Variants in ANKAR observed in about 807,000 individuals in gnomAD.
ANKAR encodes ankyrin and armadillo repeat containing, also known as ankyrin and armadillo repeat-containing protein.
ANKAR carries 136 observed loss-of-function variants against 146.2 expected under a neutral mutation model. The ratio of observed to expected loss-of-function variants is 0.93; its 90% CI spans 0.81 to 1.07. ANKAR has a LOEUF of 1.07. Among genes scored for constraint, ANKAR ranks in the 50% least tolerant of loss-of-function variants. The pLI, the probability that ANKAR is intolerant of heterozygous loss-of-function variation, is 0.00. For missense variants in ANKAR, 1,567 were observed against 1,679.9 expected (o/e 0.93, Z 1.18); for synonymous variants, 500 against 575.8 (o/e 0.87, Z 1.88).
intron 10 of ANKAR, among the ~76,000 whole-genome samples, chr2:189,714,947 C>CAAAA (rs71401215): frequency 9.0e-5 from 8 of 88,550 alleles, no homozygotes; most frequent in South Asian, 7.6e-4. Flanking sequence ...CTCCATCTCA[C>CAAAA]AAAAAAAAAA....
intron 18 of ANKAR, chr2:189,755,285 A>C (rs1245833987): frequency 1.2e-6 from 2 of 1,613,410 alleles, no homozygotes; most frequent in Admixed American, 3.3e-5. Context: ...CAAAAGAACT[A>C]AAAAAGGAAA....
At chr2:189,700,394 T>C (rs1574468042) in intron 7 of ANKAR, among the ~76,000 whole-genome samples, 1 of 152,184 alleles carries the variant, frequency 6.6e-6, no homozygotes, top group East Asian at 1.9e-4. Flanking sequence ...TTGTTTTCTT[T>C]TTAAAATAAT....
chr2:189,706,811 T>C, intron 8 of ANKAR, 127 bp from the exon 9 acceptor site: 1 of 646,772 alleles, frequency 1.5e-6, no homozygotes, highest in East Asian at 2.9e-5. Context: ...ATACGGAAGA[T>C]GAGAATTCCT....
rs775271092 is a variant in ANKAR at position 189,728,233 on chromosome 2, G to A, written c.2878-34G>A. 6.4e-6 allele frequency: 10 copies of A among 1,556,776 alleles called. No individual in the cohort carries two copies. In the South Asian group the frequency reaches 1.1e-4, roughly 17 times the overall value. On this transcript the variant is annotated intron_variant, in intron 13 of 22. Transcript: ENST00000684021. ...TGCATTCCTAAAATGTTCAATAAATGTTCACTGAATTAATGAAATATTTTT... is the reference window on the plus strand; with the variant it reads ...TGCATTCCTAAAATGTTCAATAAATATTCACTGAATTAATGAAATATTTTT...
In ANKAR at chr2:189,708,501, T is replaced by C. The variant is rs1431281060; in HGVS notation, c.2119+1355T>C. ...TCATACAACCATTTCTGTTTTTCAC[T>C]TTTAGTACAGTATTCAATAAATTAC... On this transcript the variant is annotated intron_variant, in intron 9 of 22. Transcript: ENST00000684021. Among the ~76,000 whole-genome samples, 3 of 152,210 alleles carry C rather than the reference T, an allele frequency of 2.0e-5. No individual in the cohort carries two copies. In the East Asian group the frequency reaches 5.8e-4, roughly 29 times the overall value.
Position 189,705,011 on chromosome 2 carries a change from C to G in ANKAR, c.1709-12C>G, listed in dbSNP as rs757357596. On this transcript the variant is annotated splice_polypyrimidine_tract_variant and intron_variant, in intron 7 of 22. Coordinates refer to ENST00000684021, the MANE Select transcript of ANKAR (RefSeq NM_001378068.1). ...TGCTGTGATCACTGAAGTAATTGTC[C>G]ATCCATTCTAGGTCCAACACCTCTA... 1 of 1,612,560 alleles carries G rather than the reference C, an allele frequency of 6.2e-7. No individual in the cohort carries two copies. The highest frequency in any genetic ancestry group is 8.5e-7 in the Non-Finnish European group (1 of 1,179,070).
chr2:189,694,834 A>G (rs1216669403), intron 5 of ANKAR, 147 bp from the exon 6 acceptor site: 1 of 473,656 alleles, frequency 2.1e-6, no homozygotes, highest in Non-Finnish European at 3.6e-6. Context: ...TAACTATCTT[A>G]TTAATATACT....
Position 189,733,430 on chromosome 2 carries a change from T to C in ANKAR, c.3423+201T>C, listed in dbSNP as rs1354423698. On this transcript the variant is annotated intron_variant, in intron 17 of 22. Transcript: ENST00000684021. ...TTTTCTGAGTTGTCCCACTTCATCG[T>C]TGAAATGCAGTAATTTTAATGTTTG... Among the ~76,000 whole-genome samples, 62 of 152,212 alleles carry C rather than the reference T, an allele frequency of 4.1e-4. 1 individual carries two copies. The highest frequency in any genetic ancestry group is 4.1e-3 in the Admixed American group (62 of 15,280).
intron 9 of ANKAR, among the ~76,000 whole-genome samples, chr2:189,709,622 T>C (rs536349268): frequency 1.3e-5 from 2 of 152,304 alleles, no homozygotes; most frequent in African/African-American, 4.8e-5. Flanking sequence ...GGATAAAATA[T>C]GTTTAAGATT....
At chr2:189,691,124 C>T (rs188900828) in intron 3 of ANKAR, among the ~76,000 whole-genome samples, 3 of 152,264 alleles carry the variant, frequency 2.0e-5, no homozygotes, top group Admixed American at 1.3e-4. Context: ...GGCACGATCT[C>T]GACTCACTGC....
intron 17 of ANKAR, among the ~76,000 whole-genome samples, chr2:189,736,909 C>CA (rs377302295): frequency 0.01 from 1,552 of 151,492 alleles, 33 homozygotes; most frequent in African/African-American, 0.036. Flanking sequence ...CCTGTCTCTA[C>CA]AAAAAATACA....
intron 2 of ANKAR, 134 bp from the exon 3 acceptor site, chr2:189,689,393 A>T: frequency 1.3e-6 from 1 of 747,982 alleles, no homozygotes; most frequent in Non-Finnish European, 2.1e-6. Context: ...TATTTGGTTT[A>T]CAGCATCTAA....
Position 189,743,485 on chromosome 2 carries a change from A to G in ANKAR, c.4010+11A>G. 1 of 1,609,026 alleles carries G rather than the reference A, an allele frequency of 6.2e-7. No individual in the cohort carries two copies. Among genetic ancestry groups the G allele is most frequent in the Non-Finnish European group, 8.5e-7 (1 of 1,176,526 alleles). On this transcript the variant is annotated intron_variant, in intron 21 of 22. Coordinates refer to ENST00000684021, the MANE Select transcript of ANKAR (RefSeq NM_001378068.1). ...ACTTCCTTCCTTAAGGTATGGTCCT[A>G]TGTTAGAAGTTGCAGTAGTGAAATC...
chr2:189,741,498 A>G (rs1559145506), intron 20 of ANKAR, 47 bp downstream of exon 20: 2 of 1,396,640 alleles, frequency 1.4e-6, no homozygotes, highest in Admixed American at 1.9e-5. Context: ...TGCTAAAAAT[A>G]TAATTTACCT....
Position 189,738,567 on chromosome 2 carries a change from T to A in ANKAR, c.3585T>A (p.Ile1195=), listed in dbSNP as rs141362037. 28 of 1,571,146 alleles carry A rather than the reference T, an allele frequency of 1.8e-5. No homozygotes were observed. Among genetic ancestry groups the A allele is most frequent in the Non-Finnish European group, 2.4e-5 (28 of 1,151,448 alleles). ...CTCTGCTTCTTTTCTGTTTTCAGAT[T>A]GTTGTACTGGCTAAAGTCATTAGAG... is the stretch of plus-strand genomic sequence containing the variant. ...ETEKAMAAFQ[I]VVLAKVIRDM... is the part of the protein sequence containing the mutation. The change falls in exon 19 of 23, where the codon ATT becomes ATA. Residue 1195 remains isoleucine (I), a splice_region_variant and synonymous_variant. Transcript: ENST00000684021.
intron 12 of ANKAR, among the ~76,000 whole-genome samples, chr2:189,722,538 T>TCTTGCATC (rs2041405318): frequency 6.6e-6 from 1 of 152,056 alleles, no homozygotes; most frequent in Non-Finnish European, 1.5e-5. Context: ...TGTAACAAAG[T>TCTTGCATC]ACAAATTGTA....
chr2:189,714,011 G>A (rs1403938456), intron 10 of ANKAR, among the ~76,000 whole-genome samples: 1 of 152,028 alleles, frequency 6.6e-6, no homozygotes, highest in African/African-American at 2.4e-5. Flanking sequence ...TTAAAAAGGA[G>A]ACAAGGGCAT....
Position 189,730,548 on chromosome 2 carries a change from G to A in ANKAR, c.3247G>A (p.Ala1083Thr). 1 of 1,605,036 alleles carries A rather than the reference G, an allele frequency of 6.2e-7. No individual in the cohort carries two copies. The highest frequency in any genetic ancestry group is 8.5e-7 in the Non-Finnish European group (1 of 1,175,018). The change falls in exon 16 of 23, where the codon GCC becomes ACC. Residue 1083 changes from alanine to threonine, a missense_variant. Ala to Thr is a moderately conservative substitution (Grantham distance 58). Transcript: ENST00000684021. The stretch of plus-strand genomic sequence containing the variant: ...TCAACAATTGGTTGTAGATGAAAAT[G>A]CCTTTCCAGTACTTATCCAACTACT... The part of the protein sequence containing the change: ...VSQQLVVDEN[A>T]FPVLIQLLRN...
At position 189,719,799 on chromosome 2, in the gene ANKAR, G is replaced by T. The variant is rs1426823817; in HGVS notation, c.2452G>T (p.Val818Phe). 1 of 1,572,538 alleles carries T rather than the reference G, an allele frequency of 6.4e-7. No individual in the cohort carries two copies. Among genetic ancestry groups the T allele is most frequent in the Non-Finnish European group, 8.7e-7 (1 of 1,148,824 alleles). The change falls in exon 11 of 23, where the codon GTT (valine) becomes TTT (phenylalanine). Residue 818 changes from valine (V) to phenylalanine (F), a missense_variant. Physicochemically the swap from Val to Phe is conservative, Grantham distance 50. Coordinates refer to ENST00000684021, the MANE Select transcript of ANKAR (RefSeq NM_001378068.1). ...TATTGCTCAATGTGAAAACAAGGAT[G>T]TTATTGCCAAATATGTAAGTTCCTT... Reference protein sequence around the residue: ...YDIAQCENKDVIAKYNGIPSL... With the variant: ...YDIAQCENKDFIAKYNGIPSL...
Sources: allele counts gnomAD v4.1 joint callset (sites outside exome capture counted in the v4.1 genomes callset), GRCh38; gene constraint gnomAD v4.1.1; transcripts MANE v1.5; gene names NCBI Gene and HGNC (gene_info 2026-07-23, HGNC 2026-07-21).